RGS6: variants seen among roughly 807,000 people sequenced by gnomAD.
RGS6 encodes regulator of G protein signaling 6, also known as regulator of G-protein signaling 6.
A neutral mutation model predicts 78.5 loss-of-function variants in RGS6; 30 were observed. The ratio of observed to expected loss-of-function variants is 0.38; its 90% CI spans 0.29 to 0.52. The LOEUF is 0.52. Ranked by LOEUF, RGS6 falls within the 20% of genes least tolerant of loss-of-function variation. RGS6 has a pLI of 0.85. For synonymous variants in RGS6, 206 were observed against 206.0 expected (o/e 1.00, Z 0.00); for missense variants, 495 against 609.7 (o/e 0.81, Z 1.98).
intron 2 of RGS6, among the ~76,000 whole-genome samples, chr14:72,115,128 G>A (rs1258162672): frequency 2.6e-5 from 4 of 152,156 alleles, no homozygotes; most frequent in East Asian, 1.9e-4. Context: ...GACATGGAAC[G>A]TGTCTCGGAA....
chr14:72,352,989 C>T (rs886568947), intron 3 of RGS6, among the ~76,000 whole-genome samples: 1 of 152,174 alleles, frequency 6.6e-6, no homozygotes, highest in African/African-American at 2.4e-5. Flanking sequence ...AACCAAAGGA[C>T]TTAGTTTTCA....
intron 17 of RGS6, among the ~76,000 whole-genome samples, chr14:72,542,325 G>A (rs927828189): frequency 6.6e-6 from 1 of 152,166 alleles, no homozygotes; most frequent in Admixed American, 6.5e-5. Flanking sequence ...TTGGAACCCA[G>A]GAATCTGGTC....
chr14:71,988,020 C>T (rs1029201934), intron 2 of RGS6, among the ~76,000 whole-genome samples: 8 of 152,070 alleles, frequency 5.3e-5, no homozygotes, highest in East Asian at 3.9e-4. Flanking sequence ...CCTCTCTTTC[C>T]GTCATTTTCC....
At chr14:72,338,085 C>T (rs2076364918) in intron 2 of RGS6, among the ~76,000 whole-genome samples, 1 of 152,190 alleles carries the variant, frequency 6.6e-6, no homozygotes, top group Non-Finnish European at 1.5e-5. Flanking sequence ...TGGGCCTCCC[C>T]TTGACAAGGT....
chr14:72,361,364 A>G (rs896798480), intron 3 of RGS6, among the ~76,000 whole-genome samples: 1 of 152,206 alleles, frequency 6.6e-6, no homozygotes, highest in Non-Finnish European at 1.5e-5. Context: ...AGTAAGGATG[A>G]AAACAAGAAC....
At chr14:72,037,906 T>G (rs1367172802) in intron 2 of RGS6, among the ~76,000 whole-genome samples, 1 of 152,200 alleles carries the variant, frequency 6.6e-6, no homozygotes, top group Non-Finnish European at 1.5e-5. Flanking sequence ...TTTCTGGAAG[T>G]CTATTCTATG....
At position 72,097,742 on chromosome 14, in the gene RGS6, G is replaced by C. The variant is rs78375449; in HGVS notation, c.84+132867G>C. On this transcript the variant is annotated intron_variant, in intron 2 of 17. Transcript: ENST00000553525. ...GCAGCCCAGCTGCTGGCTTCTGCAT[G>C]CAGCCCACCTCTTCTTGCTGGACAG... is the stretch of plus-strand genomic sequence containing the variant. 3.8e-3 allele frequency among the ~76,000 whole-genome samples: 576 copies of C among 152,260 alleles called. 4 individuals are homozygous for C. Among genetic ancestry groups the C allele is most frequent in the African/African-American group, 0.013 (553 of 41,540 alleles).
At chr14:72,280,956 A>T (rs1187510417) in intron 2 of RGS6, among the ~76,000 whole-genome samples, 1 of 152,322 alleles carries the variant, frequency 6.6e-6, no homozygotes, top group East Asian at 1.9e-4. Context: ...ACAGATGGTT[A>T]TGACTTTATA....
At chr14:72,259,990 C>G (rs1255819955) in intron 2 of RGS6, among the ~76,000 whole-genome samples, 2 of 150,284 alleles carry the variant, frequency 1.3e-5, no homozygotes, top group African/African-American at 2.4e-5. Flanking sequence ...CCAAACTAAT[C>G]TCCTAGCAAG....
intron 3 of RGS6, among the ~76,000 whole-genome samples, chr14:72,384,905 C>A (rs112805500): frequency 2.6e-5 from 4 of 152,260 alleles, no homozygotes; most frequent in African/African-American, 9.6e-5. Context: ...CTTCCGCCAC[C>A]ACACCCAGCT....
chr14:72,503,548 A>G (rs2096757105), intron 13 of RGS6, among the ~76,000 whole-genome samples: 2 of 151,912 alleles, frequency 1.3e-5, no homozygotes, highest in South Asian at 4.2e-4. Context: ...TGGGAGAGGT[A>G]TAGGATAGAC....
At chr14:72,458,147 G>A in intron 4 of RGS6, 124 bp from the exon 5 acceptor site, 1 of 707,994 alleles carries the variant, frequency 1.4e-6, no homozygotes. Context: ...ACTGAGCAAG[G>A]GCAATTGTAT....
chr14:72,022,626 A>C (rs11628898), intron 2 of RGS6: 12,853 of 152,236 alleles, frequency 0.084, 581 homozygotes, highest in East Asian at 0.17. Flanking sequence ...GTCCAATGGA[A>C]TCCACAGGCT....
upstream of RGS6, among the ~76,000 whole-genome samples, chr14:71,928,682 A>G (rs1232589216): frequency 6.6e-6 from 1 of 152,242 alleles, no homozygotes; most frequent in Non-Finnish European, 1.5e-5. Context: ...TCACTTGATA[A>G]TGAAGTAATC....
At chr14:72,176,727 G>A (rs2097109589) in intron 2 of RGS6, among the ~76,000 whole-genome samples, 1 of 152,158 alleles carries the variant, frequency 6.6e-6, no homozygotes, top group African/African-American at 2.4e-5. Flanking sequence ...TTAAACTAGG[G>A]AAGATTTATT....
chr14:71,895,205 A>G, the RGS6 span, among the ~76,000 whole-genome samples: 1 of 152,158 alleles, frequency 6.6e-6, no homozygotes, highest in Admixed American at 6.5e-5. Flanking sequence ...TTGTTTTGAG[A>G]TGGAGTCTCA....
chr14:72,200,706 C>A (rs1362044373), intron 2 of RGS6, among the ~76,000 whole-genome samples: 9 of 152,050 alleles, frequency 5.9e-5, no homozygotes, highest in Non-Finnish European at 2.9e-5. Context: ...CCTCAAAAGC[C>A]CCACAGTATT....
chr14:72,488,777 G>A (rs2096533658), intron 12 of RGS6, among the ~76,000 whole-genome samples: 2 of 152,090 alleles, frequency 1.3e-5, no homozygotes, highest in Non-Finnish European at 2.9e-5. Flanking sequence ...ACTCACTCAG[G>A]GCTCCATATG....
At chr14:72,491,043 G>T (rs976403700) in intron 12 of RGS6, among the ~76,000 whole-genome samples, 1 of 152,142 alleles carries the variant, frequency 6.6e-6, no homozygotes, top group Non-Finnish European at 1.5e-5. Flanking sequence ...GCATGAGATG[G>T]CACCTCTGAC....
Sources: allele counts gnomAD v4.1 joint callset (sites outside exome capture counted in the v4.1 genomes callset), GRCh38; gene constraint gnomAD v4.1.1; transcripts MANE v1.5; gene names NCBI Gene and HGNC (gene_info 2026-07-23, HGNC 2026-07-21).